Variants in KCNK2 observed in about 807,000 individuals in gnomAD.
The protein encoded by KCNK2 is potassium two pore domain channel subfamily K member 2.
In KCNK2, 21 loss-of-function variants were observed where a neutral mutation model predicts 40.5. The ratio of observed to expected loss-of-function variants is 0.52; its 90% confidence interval spans 0.37 to 0.75. KCNK2 has a LOEUF of 0.75. Ranked by LOEUF, KCNK2 falls within the 30% of genes least tolerant of loss-of-function variation. The pLI is 0.00. For synonymous variants in KCNK2, 191 were observed against 202.2 expected, an observed-to-expected ratio of 0.94 and a Z score of 0.47; for missense variants, 399 against 531.6, an observed-to-expected ratio of 0.75 and a Z score of 2.45.
At chr1:215,143,773 G>C (rs908518907) in intron 3 of KCNK2, among the ~76,000 whole-genome samples, 4 of 152,100 alleles carry the variant, frequency 2.6e-5, no homozygotes, top group South Asian at 4.1e-4. Flanking sequence ...GAGTATCTAT[G>C]TTGTACCACA....
chr1:215,120,718 T>C (rs1661153791), intron 2 of KCNK2, among the ~76,000 whole-genome samples: 1 of 152,194 alleles, frequency 6.6e-6, no homozygotes, highest in African/African-American at 2.4e-5. Flanking sequence ...GAAGCCTTGA[T>C]ATATATTTTT....
intron 5 of KCNK2, among the ~76,000 whole-genome samples, chr1:215,186,126 A>T (rs181346605): frequency 2.0e-5 from 3 of 152,334 alleles, no homozygotes; most frequent in Non-Finnish European, 4.4e-5. Flanking sequence ...ATAAGAGAAC[A>T]TGACGATTAG....
chr1:215,188,861 C>CT (rs1173073093), intron 5 of KCNK2, among the ~76,000 whole-genome samples: 7 of 152,192 alleles, frequency 4.6e-5, no homozygotes, highest in African/African-American at 1.7e-4. Flanking sequence ...TGTGTGACTG[C>CT]TAGGGAGATG....
intron 1 of KCNK2, among the ~76,000 whole-genome samples, chr1:215,048,292 T>C (rs114127559): frequency 1.3e-5 from 2 of 152,162 alleles, no homozygotes; most frequent in Admixed American, 6.5e-5. Flanking sequence ...AACCATAGAA[T>C]TGAAGAAGAA....
chr1:215,050,002 C>T (rs1233934748), intron 1 of KCNK2, among the ~76,000 whole-genome samples: 1 of 152,054 alleles, frequency 6.6e-6, no homozygotes, highest in Non-Finnish European at 1.5e-5. Flanking sequence ...GTGCCTTCCT[C>T]CATAAATTTT....
At position 215,209,322 on chromosome 1, in the gene KCNK2, A is replaced by ATTTT. The variant is rs1273704335; in HGVS notation, c.963+14230_963+14231insTTTT. Among the ~76,000 whole-genome samples the ATTTT allele has an allele frequency of 5.2e-4, 29 of 56,102 alleles. 1 individual carries two copies. Among genetic ancestry groups the ATTTT allele is most frequent in the African/African-American group, 1.6e-3 (28 of 17,116 alleles). The allele number at this position is 56,102 out of a possible 152,430, so 36.8% of individuals were successfully genotyped here. ...TATATATTATATATATGAAATATAC[A>ATTTT]CATATTTTTATATATATAATATATA... On this transcript the variant is annotated intron_variant, in intron 6 of 6. Transcript: ENST00000444842.
Position 215,235,278 on chromosome 1 carries a change from T to A in KCNK2, c.*133T>A, listed in dbSNP as rs979648344. 6.0e-6 allele frequency: 4 copies of A among 661,960 alleles called. No homozygotes were observed. Among genetic ancestry groups the A allele is most frequent in the Non-Finnish European group, 1.0e-5 (4 of 400,740 alleles). 41.0% of individuals were successfully genotyped at this position (661,960 alleles called of 1,614,324 possible). ...AACAAAATAGATACACCCATCATGG[T>A]CATCTATCATCAAGAGAATTTGGAA... On this transcript the variant is annotated 3_prime_UTR_variant, in exon 7 of 7. Coordinates refer to ENST00000444842, the MANE Select transcript of KCNK2 (RefSeq NM_001017425.3).
intron 5 of KCNK2, among the ~76,000 whole-genome samples, chr1:215,180,107 G>A (rs772243137): frequency 1.8e-4 from 27 of 152,112 alleles, no homozygotes; most frequent in Non-Finnish European, 3.4e-4. Context: ...TTATCCTTAT[G>A]TAATACCTTA....
Position 215,195,064 on chromosome 1 carries a change from G to A in KCNK2, c.935G>A (p.Arg312Gln), listed in dbSNP as rs763061596. 20 of 1,608,664 alleles carry A rather than the reference G, an allele frequency of 1.2e-5. No homozygotes were observed. Among genetic ancestry groups the A allele is most frequent in the African/African-American group, 2.7e-5 (2 of 74,774 alleles). ...AVLSMIGDWL[R>Q]VISKKTKEEV... is the part of the protein sequence containing the mutation. ...CTGAGCATGATTGGAGATTGGCTCC[G>A]AGTGATATCTAAAAAGACAAAAGAA... The change falls in exon 6 of 7, where the codon CGA becomes CAA. Residue 312 changes from arginine (R) to glutamine (Q), a missense_variant. Transcript: ENST00000444842.
intron 2 of KCNK2, among the ~76,000 whole-genome samples, chr1:215,121,773 T>C (rs1661198849): frequency 6.6e-6 from 1 of 152,226 alleles, no homozygotes; most frequent in African/African-American, 2.4e-5. Flanking sequence ...ATTTATAAAA[T>C]TGTAAAATTG....
chr1:215,184,054 G>A (rs1429365348), intron 5 of KCNK2, among the ~76,000 whole-genome samples: 2 of 152,160 alleles, frequency 1.3e-5, no homozygotes, highest in African/African-American at 4.8e-5. Flanking sequence ...GACATCTACA[G>A]TCTAGATGTA....
In KCNK2 at chr1:215,184,623, G is replaced by A. The variant is rs568169787; in HGVS notation, c.824-10330G>A. 2.0e-5 allele frequency among the ~76,000 whole-genome samples: 3 copies of A among 152,232 alleles called. No homozygotes were observed. The South Asian group carries it at 6.2e-4, about 32-fold the overall frequency. On this transcript the variant is annotated intron_variant, in intron 5 of 6. Coordinates refer to ENST00000444842, the MANE Select transcript of KCNK2 (RefSeq NM_001017425.3). The stretch of plus-strand genomic sequence containing the variant: ...ATGTCCTTCTTCACATAGTGACAGG[G>A]AGAAGAAGAATGAGAACCTTATAAA...
intron 1 of KCNK2, among the ~76,000 whole-genome samples, chr1:215,070,415 TAAAAAA>T (rs536258219): frequency 1.1e-5 from 1 of 93,584 alleles, no homozygotes. Context: ...GACCCCGTCT[TAAAAAA>T]AAAAAAAAAA....
intron 1 of KCNK2, among the ~76,000 whole-genome samples, chr1:215,051,074 T>C (rs1389813425): frequency 6.6e-6 from 1 of 152,160 alleles, no homozygotes; most frequent in African/African-American, 2.4e-5. Context: ...GAAAGCTTAT[T>C]TATTTTTATT....
At chr1:215,204,377 A>AT (rs1359727570) in intron 6 of KCNK2, among the ~76,000 whole-genome samples, 2 of 151,758 alleles carry the variant, frequency 1.3e-5, no homozygotes, top group African/African-American at 2.4e-5. Context: ...ATTCAGAATA[A>AT]TTTTTTTTCT....
intron 3 of KCNK2, among the ~76,000 whole-genome samples, chr1:215,159,893 A>G (rs1663120399): frequency 6.7e-6 from 1 of 149,308 alleles, no homozygotes; most frequent in Non-Finnish European, 1.5e-5. Flanking sequence ...ACTGAGCAGG[A>G]TGTGGTATTT....
chr1:215,050,181 A>G (rs1187917200), intron 1 of KCNK2, among the ~76,000 whole-genome samples: 1 of 152,044 alleles, frequency 6.6e-6, no homozygotes, highest in Non-Finnish European at 1.5e-5. Context: ...ACATTTTGTA[A>G]TTTTCAGCAT....
rs181940012 is a variant in KCNK2, at chr1:215,050,786, G to T, written c.35-35582G>T. Among the ~76,000 whole-genome samples, 5 of 152,296 alleles carry T rather than the reference G, an allele frequency of 3.3e-5. No homozygotes were observed. In the East Asian group the frequency reaches 9.6e-4, roughly 29 times the overall value. On this transcript the variant is annotated intron_variant, in intron 1 of 6. Coordinates refer to the KCNK2 transcript ENST00000391895. The stretch of plus-strand genomic sequence containing the variant: ...CATCTTACTTAAGGTCATGTTAAGT[G>T]CTCATTGGAGTTGGGGGTTGCTACT...
intron 2 of KCNK2, among the ~76,000 whole-genome samples, chr1:215,117,745 T>C (rs567643563): frequency 2.8e-4 from 43 of 152,226 alleles, no homozygotes; most frequent in African/African-American, 1.0e-3. Context: ...GTTCGGTTAT[T>C]AAGGGTCCTA....
Sources: gnomAD v4.1 joint callset for allele counts (sites outside exome capture counted in the v4.1 genomes callset) on GRCh38, gnomAD v4.1.1 for gene constraint, MANE v1.5 for transcripts, NCBI Gene and HGNC (gene_info 2026-07-23, HGNC 2026-07-21) for gene names.